Variants in FOXP1 observed in about 807,000 individuals in gnomAD.
FOXP1 encodes the protein forkhead box protein P1.
A neutral mutation model predicts 98.2 loss-of-function variants in FOXP1; 15 were observed. The ratio of observed to expected loss-of-function variants is 0.15; its 90% confidence interval spans 0.10 to 0.24. The LOEUF is 0.24. Among genes scored for constraint, FOXP1 ranks in the 10% least tolerant of loss-of-function variants. The probability of loss-of-function intolerance (pLI) is 1.00; values close to 1 mark genes in which losing one functional copy is unlikely to be tolerated. For synonymous variants in FOXP1, 371 were observed against 314.5 expected (o/e 1.18, Z -1.90); for missense variants, 633 against 848.5 (o/e 0.75, Z 3.15).
In FOXP1 at chr3:71,451,406, C is replaced by T. The variant is rs556878329; in HGVS notation, c.-168+42020G>A. On this transcript the variant is annotated intron_variant, in intron 3 of 20. Transcript: ENST00000649528. ...AGCAAGTGGCTAGAGCACATAAAAG[C>T]GAAGATAAACCTCAACATGCACTAC... 4.6e-5 allele frequency among the ~76,000 whole-genome samples: 7 copies of T among 152,242 alleles called. No individual in the cohort carries two copies. The East Asian group carries it at 7.7e-4, about 17-fold the overall frequency.
At chr3:70,959,430 C>T (rs2032672718) in intron 20 of FOXP1, 39 bp from the exon 21 acceptor site, 1 of 1,612,812 alleles carries the variant, frequency 6.2e-7, no homozygotes, top group Non-Finnish European at 8.5e-7. Flanking sequence ...GGGTACTTCC[C>T]AGCCCATTGC....
At chr3:71,157,825 G>A (rs1478703900) in intron 6 of FOXP1, among the ~76,000 whole-genome samples, 4 of 151,966 alleles carry the variant, frequency 2.6e-5, no homozygotes, top group Non-Finnish European at 5.9e-5. Flanking sequence ...AGTGGCTCAT[G>A]CCTATAATCC....
chr3:71,534,288 G>T (rs181214226), intron 2 of FOXP1, among the ~76,000 whole-genome samples: 6 of 152,142 alleles, frequency 3.9e-5, no homozygotes, highest in South Asian at 4.2e-4. Context: ...GCTTGGACCT[G>T]GGGGGGTGGA....
At chr3:71,079,496 C>T (rs1576626635) in intron 7 of FOXP1, among the ~76,000 whole-genome samples, 2 of 152,156 alleles carry the variant, frequency 1.3e-5, no homozygotes, top group Non-Finnish European at 2.9e-5. Context: ...CATCCTCCCT[C>T]GACACAGACA....
chr3:71,394,447 T>A (rs892616084), intron 3 of FOXP1, among the ~76,000 whole-genome samples: 1 of 152,108 alleles, frequency 6.6e-6, no homozygotes, highest in Non-Finnish European at 1.5e-5. Context: ...TAGGAACCAA[T>A]GAGGGAAAAA....
At chr3:70,964,555 C>T (rs1313887907) in intron 20 of FOXP1, among the ~76,000 whole-genome samples, 1 of 152,080 alleles carries the variant, frequency 6.6e-6, no homozygotes, top group African/African-American at 2.4e-5. Flanking sequence ...CTCTGAACTT[C>T]GTTAGTATCT....
chr3:71,144,927 T>A (rs1206562501), intron 6 of FOXP1, among the ~76,000 whole-genome samples: 1 of 152,214 alleles, frequency 6.6e-6, no homozygotes, highest in Non-Finnish European at 1.5e-5. Flanking sequence ...AATGGAATCA[T>A]ATAGTGTGTA....
intron 3 of FOXP1, among the ~76,000 whole-genome samples, chr3:71,417,848 A>G (rs2083329992): frequency 6.6e-6 from 1 of 152,084 alleles, no homozygotes. Flanking sequence ...TAGCCGATTC[A>G]CTTCATATTA....
At chr3:71,057,975 A>C (rs150872558) in intron 7 of FOXP1, among the ~76,000 whole-genome samples, 1,759 of 152,322 alleles carry the variant, frequency 0.012, 35 homozygotes, top group African/African-American at 0.041. Context: ...TTTTTTCTTC[A>C]AAATGACTCT....
intron 16 of FOXP1, 40 bp from the exon 17 acceptor site, chr3:70,977,082 A>G (rs1344618484): frequency 1.5e-6 from 2 of 1,297,930 alleles, no homozygotes; most frequent in Non-Finnish European, 2.2e-6. Flanking sequence ...TTATGACCAA[A>G]TCAGCAGAGT....
At chr3:71,182,054 A>AAG (rs1560076281) in intron 6 of FOXP1, among the ~76,000 whole-genome samples, 2 of 142,518 alleles carry the variant, frequency 1.4e-5, no homozygotes, top group East Asian at 4.1e-4. Context: ...AAAAAAAAGA[A>AAG]AAAAAAAGAA....
chr3:71,222,993 T>A (rs1178698906), intron 5 of FOXP1, among the ~76,000 whole-genome samples: 1 of 152,150 alleles, frequency 6.6e-6, no homozygotes, highest in African/African-American at 2.4e-5. Context: ...TGAATAAATT[T>A]TTCCCCTTTC....
At chr3:71,406,405 G>GTATGTA (rs2082336447) in intron 3 of FOXP1, among the ~76,000 whole-genome samples, 3 of 105,930 alleles carry the variant, frequency 2.8e-5, no homozygotes, top group African/African-American at 9.4e-5. Flanking sequence ...AACTGTATGT[G>GTATGTA]TATATATATA....
At chr3:71,320,255 C>G (rs1441419037) in intron 4 of FOXP1, among the ~76,000 whole-genome samples, 1 of 152,020 alleles carries the variant, frequency 6.6e-6, no homozygotes, top group East Asian at 1.9e-4. Context: ...AATTTCTTAG[C>G]TTTCTAAGGC....
At chr3:71,339,439 A>T (rs2076883873) in intron 4 of FOXP1, among the ~76,000 whole-genome samples, 1 of 152,250 alleles carries the variant, frequency 6.6e-6, no homozygotes, top group African/African-American at 2.4e-5. Context: ...ACGAAGGAAG[A>T]CTGTATAATT....
chr3:71,468,449 C>T (rs1360548110), intron 3 of FOXP1, among the ~76,000 whole-genome samples: 3 of 152,182 alleles, frequency 2.0e-5, no homozygotes, highest in African/African-American at 7.2e-5. Flanking sequence ...ACAGGGATCT[C>T]ACCTGCTCTT....
intron 3 of FOXP1, among the ~76,000 whole-genome samples, chr3:71,479,944 T>A (rs2090143337): frequency 6.6e-6 from 1 of 152,154 alleles, no homozygotes; most frequent in South Asian, 2.1e-4. Flanking sequence ...ACGCCTGTAA[T>A]CCCAGCACTT....
intron 5 of FOXP1, among the ~76,000 whole-genome samples, chr3:71,223,180 T>A (rs1218557055): frequency 6.6e-6 from 1 of 152,198 alleles, no homozygotes. Context: ...CTCCTTTGAA[T>A]GGAATAACAG....
intron 6 of FOXP1, among the ~76,000 whole-genome samples, chr3:71,149,740 G>C (rs1019695046): frequency 6.6e-6 from 1 of 152,024 alleles, no homozygotes; most frequent in Non-Finnish European, 1.5e-5. Flanking sequence ...CTAAATGCAT[G>C]ACTTCAACTC....
Sources: allele counts gnomAD v4.1 joint callset (sites outside exome capture counted in the v4.1 genomes callset), GRCh38; gene constraint gnomAD v4.1.1; transcripts MANE v1.5; gene names NCBI Gene and HGNC (gene_info 2026-07-23, HGNC 2026-07-21).